TRIQK: variants seen among roughly 807,000 people sequenced by gnomAD.
TRIQK encodes the protein triple QxxK/R motif containing.
A neutral mutation model predicts 10.8 loss-of-function variants in TRIQK; 10 were observed. The observed-to-expected ratio is 0.92, with a 90% CI of 0.57 to 1.57. TRIQK has a LOEUF of 1.57. Among genes scored for constraint, TRIQK ranks in the 40% most tolerant of loss-of-function variants. The pLI, the probability that TRIQK is intolerant of heterozygous loss-of-function variation, is 0.00. For synonymous variants in TRIQK, 33 were observed against 33.7 expected, an observed-to-expected ratio of 0.98 and a Z score of 0.07; for missense variants, 107 against 97.7, an observed-to-expected ratio of 1.09 and a Z score of -0.40.
intron 2 of TRIQK, among the ~76,000 whole-genome samples, chr8:92,946,972 A>G (rs1350346124): frequency 6.6e-6 from 1 of 151,360 alleles, no homozygotes; most frequent in African/African-American, 2.4e-5. Context: ...TCACCGTGTT[A>G]GCCAGGATGG....
At chr8:92,978,194 A>G (rs907744553) in intron 1 of TRIQK, among the ~76,000 whole-genome samples, 12 of 152,050 alleles carry the variant, frequency 7.9e-5, no homozygotes, top group South Asian at 6.2e-4. Context: ...CAGACTCCCA[A>G]CTACATCTTC....
chr8:92,986,131 A>C (rs556007406), intron 1 of TRIQK, among the ~76,000 whole-genome samples: 2 of 152,222 alleles, frequency 1.3e-5, no homozygotes, highest in African/African-American at 2.4e-5. Flanking sequence ...ATTATTTTGG[A>C]TCTATTAAGA....
intron 1 of TRIQK, among the ~76,000 whole-genome samples, chr8:92,988,130 C>T (rs1483237996): frequency 6.6e-6 from 1 of 150,924 alleles, no homozygotes; most frequent in African/African-American, 2.4e-5. Context: ...CCTGCCTCAG[C>T]CTCCTGAGTA....
At chr8:92,927,410 A>T (rs1810497735) in intron 2 of TRIQK, among the ~76,000 whole-genome samples, 1 of 120,414 alleles carries the variant, frequency 8.3e-6, no homozygotes, top group African/African-American at 3.3e-5. Context: ...AAAGTTAAAT[A>T]ACCAAATTTG....
chr8:92,889,731 T>C (rs543565299), intron 4 of TRIQK, among the ~76,000 whole-genome samples: 2 of 151,804 alleles, frequency 1.3e-5, no homozygotes, highest in South Asian at 4.1e-4. Context: ...TATTGAACTC[T>C]CCTGACAACA....
chr8:92,900,861 C>A (rs1352018050), intron 3 of TRIQK, among the ~76,000 whole-genome samples: 1 of 152,040 alleles, frequency 6.6e-6, no homozygotes, highest in Non-Finnish European at 1.5e-5. Context: ...ATTGATTTTT[C>A]CAATCCATGA....
At chr8:92,968,096 T>C (rs1264863663), upstream of TRIQK, among the ~76,000 whole-genome samples, 1 of 152,174 alleles carries the variant, frequency 6.6e-6, no homozygotes, top group Non-Finnish European at 1.5e-5. Context: ...CTTTACCATA[T>C]AAAGACATAT....
chr8:92,931,762 G>A (rs762537551), intron 2 of TRIQK, among the ~76,000 whole-genome samples: 10 of 152,038 alleles, frequency 6.6e-5, no homozygotes, highest in Non-Finnish European at 1.5e-4. Context: ...ATTCATTACA[G>A]CAAGATAAAC....
chr8:93,001,836 C>T lies in TRIQK; in HGVS notation c.-181+15773G>A, dbSNP rs145987289. Among the ~76,000 whole-genome samples, 10 of 152,306 alleles carry T rather than the reference C, an allele frequency of 6.6e-5. 1 individual carries two copies. Among genetic ancestry groups the T allele is most frequent in the African/African-American group, 2.4e-4 (10 of 41,574 alleles). On this transcript the variant is annotated intron_variant, in intron 1 of 4. Transcript: ENST00000520686. Reference sequence around the variant, plus strand: ...TATCCATAGCTACAGAATACACATTCTTCTCAACTACTTATGGGCCATTCT... The same window carrying T: ...TATCCATAGCTACAGAATACACATTTTTCTCAACTACTTATGGGCCATTCT...
intron 1 of TRIQK, among the ~76,000 whole-genome samples, chr8:92,958,717 A>G (rs1168962470): frequency 6.6e-6 from 1 of 152,016 alleles, no homozygotes; most frequent in Non-Finnish European, 1.5e-5. Flanking sequence ...CTTGAACTGA[A>G]AAGAAAAGTA....
At chr8:92,949,953 T>G (rs1268260430) in intron 2 of TRIQK, among the ~76,000 whole-genome samples, 4 of 152,112 alleles carry the variant, frequency 2.6e-5, no homozygotes, top group Non-Finnish European at 5.9e-5. Flanking sequence ...GAGCTCCATT[T>G]ATTTAAGATT....
intron 1 of TRIQK, among the ~76,000 whole-genome samples, chr8:92,986,434 G>A (rs1813030619): frequency 6.6e-6 from 1 of 152,068 alleles, no homozygotes; most frequent in African/African-American, 2.4e-5. Context: ...AGTACAATTA[G>A]CAAATGTATT....
chr8:92,887,262 G>T (rs546744693), intron 4 of TRIQK, among the ~76,000 whole-genome samples: 1 of 150,926 alleles, frequency 6.6e-6, no homozygotes, highest in Non-Finnish European at 1.5e-5. Flanking sequence ...ATGTGACTTT[G>T]TTGAAACTCT....
intron 2 of TRIQK, among the ~76,000 whole-genome samples, chr8:92,948,664 T>A (rs1433844693): frequency 6.6e-6 from 1 of 152,232 alleles, no homozygotes; most frequent in Non-Finnish European, 1.5e-5. Context: ...CTTTGTTTTG[T>A]ACACTGAAGA....
intron 2 of TRIQK, among the ~76,000 whole-genome samples, chr8:92,942,906 T>A (rs929474434): frequency 6.6e-6 from 1 of 151,988 alleles, no homozygotes; most frequent in East Asian, 1.9e-4. Context: ...TGTTGCTCAG[T>A]CTGGTTGAAC....
intron 2 of TRIQK, among the ~76,000 whole-genome samples, chr8:92,939,567 C>T (rs1304450239): frequency 6.6e-6 from 1 of 152,050 alleles, no homozygotes; most frequent in Non-Finnish European, 1.5e-5. Context: ...AAAAAGCTCA[C>T]CCTACAACCT....
chr8:92,898,651 C>T (rs980105281), intron 3 of TRIQK, among the ~76,000 whole-genome samples: 5 of 151,608 alleles, frequency 3.3e-5, no homozygotes, highest in Non-Finnish European at 7.4e-5. Flanking sequence ...TGGATTTTTA[C>T]ATTAATTTTC....
chr8:92,886,375 G>C lies in TRIQK; in HGVS notation c.*247C>G, dbSNP rs1383480392. 4.1e-6 allele frequency: 1 copy of C among 241,474 alleles called. No individual in the cohort carries two copies. The highest frequency in any genetic ancestry group is 2.3e-5 in the African/African-American group (1 of 44,370). The allele number at this position is 241,474 out of a possible 1,614,324, so 15.0% of individuals were successfully genotyped here. ...GATCTGGTTCCCATTTCATCTAAATGTACCATGTATAGGGTGGCTGTCAAA... is the reference window on the plus strand; with the variant it reads ...GATCTGGTTCCCATTTCATCTAAATCTACCATGTATAGGGTGGCTGTCAAA... On this transcript the variant is annotated 3_prime_UTR_variant, in exon 5 of 5. Coordinates refer to ENST00000521988, the MANE Select transcript of TRIQK (RefSeq NM_001171797.2).
chr8:92,887,132 A>C (rs1423035194), intron 4 of TRIQK, among the ~76,000 whole-genome samples: 1 of 151,284 alleles, frequency 6.6e-6, no homozygotes, highest in Non-Finnish European at 1.5e-5. Context: ...GCTTCAATAC[A>C]TTCAGTATTA....
Sources: allele counts gnomAD v4.1 joint callset (sites outside exome capture counted in the v4.1 genomes callset), GRCh38; gene constraint gnomAD v4.1.1; transcripts MANE v1.5; gene names NCBI Gene and HGNC (gene_info 2026-07-23, HGNC 2026-07-21).